ALDH18A1: variants seen among roughly 807,000 people sequenced by gnomAD.
The protein encoded by ALDH18A1 is aldehyde dehydrogenase 18 family member A1, also known as delta-1-pyrroline-5-carboxylate synthase.
In ALDH18A1, 44 loss-of-function variants were observed where a neutral mutation model predicts 88.8. The observed-to-expected ratio is 0.50, with a 90% CI of 0.39 to 0.64. The LOEUF is 0.64. Among genes scored for constraint, ALDH18A1 ranks in the 30% least tolerant of loss-of-function variants. ALDH18A1 has a pLI of 0.00. For synonymous variants in ALDH18A1, 331 were observed against 372.1 expected, an observed-to-expected ratio of 0.89 and a Z score of 1.27; for missense variants, 782 against 1,009.5, an observed-to-expected ratio of 0.77 and a Z score of 3.05.
chr10:95,623,165 TAAAA>T (rs552778394), intron 11 of ALDH18A1, among the ~76,000 whole-genome samples: 2 of 151,234 alleles, frequency 1.3e-5, no homozygotes, highest in African/African-American at 2.4e-5. Flanking sequence ...CCCCATATGC[TAAAA>T]AAAAAGTTTT....
In ALDH18A1 at chr10:95,638,008, A is replaced by C. The variant is rs549646244; in HGVS notation, c.304-572T>G. On this transcript the variant is annotated intron_variant, in intron 3 of 17. Coordinates refer to ENST00000371224, the MANE Select transcript of ALDH18A1 (RefSeq NM_002860.4). ...AACAACAACAACAACAACAACAACA[A>C]CACCCTAAGAAAAAAATTTTTTTAA... Among the ~76,000 whole-genome samples the C allele has an allele frequency of 6.2e-5, 8 of 129,128 alleles. No homozygotes were observed. The South Asian group carries it at 1.0e-3, about 16-fold the overall frequency. The allele number at this position is 129,128 out of a possible 152,430, so 84.7% of individuals were successfully genotyped here.
rs559043968 is a variant in ALDH18A1, at chr10:95,643,436, T to C, written c.89-230A>G. On this transcript the variant is annotated intron_variant, in intron 2 of 17. Transcript: ENST00000371224. Reference sequence around the variant, plus strand: ...AGGTCATAGGCACACTCAAATGCTGTTGGTGAAGAGTACAAACAAATTAAT... The same window carrying C: ...AGGTCATAGGCACACTCAAATGCTGCTGGTGAAGAGTACAAACAAATTAAT... Among the ~76,000 whole-genome samples the C allele has an allele frequency of 6.6e-5, 10 of 152,320 alleles. No individual in the cohort carries two copies. The South Asian group carries it at 2.1e-3, about 32-fold the overall frequency.
chr10:95,617,274 G>A (rs1589494003), intron 12 of ALDH18A1, among the ~76,000 whole-genome samples: 1 of 152,230 alleles, frequency 6.6e-6, no homozygotes, highest in Admixed American at 6.5e-5. Flanking sequence ...AAAGAGAACT[G>A]AGTTAAGTGG....
chr10:95,633,072 A>G lies in ALDH18A1; in HGVS notation c.718-23T>C, dbSNP rs375327685. On this transcript the variant is annotated intron_variant, in intron 6 of 17. Transcript: ENST00000371224. Reference sequence around the variant, plus strand: ...AACCTAGAATGCAGATTAAAAAGTCATAAGTGAGTGAGCTAAGCAGTCCAA... The same window carrying G: ...AACCTAGAATGCAGATTAAAAAGTCGTAAGTGAGTGAGCTAAGCAGTCCAA... 662 of 1,589,822 alleles carry G rather than the reference A, an allele frequency of 4.2e-4. 1 individual carries two copies. Among genetic ancestry groups the G allele is most frequent in the Middle Eastern group, 2.2e-3 (13 of 6,018 alleles).
intron 16 of ALDH18A1, 117 bp from the exon 17 acceptor site, chr10:95,610,409 A>G: frequency 1.2e-6 from 1 of 857,182 alleles, no homozygotes; most frequent in Non-Finnish European, 1.9e-6. Flanking sequence ...GGGCCTCTCC[A>G]TGTGTTCTCA....
chr10:95,633,755 G>T, intron 5 of ALDH18A1, 106 bp from the exon 6 acceptor site: 1 of 1,144,466 alleles, frequency 8.7e-7, no homozygotes, highest in Non-Finnish European at 1.3e-6. Flanking sequence ...GGTTTCTGGG[G>T]CCCCACACAG....
At chr10:95,642,841 C>A (rs2097894357) in intron 3 of ALDH18A1, 151 bp downstream of exon 3, 1 of 845,206 alleles carries the variant, frequency 1.2e-6, no homozygotes, top group East Asian at 2.6e-5. Flanking sequence ...TCACTGGCGT[C>A]TACAGTGGGA....
Position 95,610,255 on chromosome 10 carries a change from A to G in ALDH18A1, c.2148T>C (p.Ser716=). The part of the protein sequence containing the change: ...TAEFFLQHVD[S]ACVFWNASTR... ...TGCTGGCATTCCAGAACACACAGGCACTGTCTACGTGCTGCAGGAAGAACT... is the reference window on the plus strand; with the variant it reads ...TGCTGGCATTCCAGAACACACAGGCGCTGTCTACGTGCTGCAGGAAGAACT... Residue 716 remains serine, a synonymous_variant, in exon 17 of 18, where the codon AGT becomes AGC. Transcript: ENST00000371224. 1.9e-6 allele frequency: 3 copies of G among 1,614,142 alleles called. No individual in the cohort carries two copies. The highest frequency in any genetic ancestry group is 2.5e-6 in the Non-Finnish European group (3 of 1,179,982).
intron 17 of ALDH18A1, 83 bp from the exon 18 acceptor site, chr10:95,607,026 C>A: frequency 7.1e-7 from 1 of 1,399,044 alleles, no homozygotes; most frequent in South Asian, 1.2e-5. Flanking sequence ...TGCTGCTTTC[C>A]CCTCACTTGG....
At chr10:95,611,473 A>G in intron 15 of ALDH18A1, 31 bp from the exon 16 acceptor site, 1 of 1,611,096 alleles carries the variant, frequency 6.2e-7, no homozygotes, top group Non-Finnish European at 8.5e-7. Flanking sequence ...GGGCAACAAC[A>G]TAAAAACAAC....
intron 16 of ALDH18A1, 118 bp from the exon 17 acceptor site, chr10:95,610,410 T>A: frequency 1.2e-6 from 1 of 858,818 alleles, no homozygotes; most frequent in South Asian, 1.4e-5. Context: ...GGCCTCTCCA[T>A]GTGTTCTCAC....
chr10:95,649,260 A>G (rs2097906144), intron 2 of ALDH18A1, among the ~76,000 whole-genome samples: 1 of 152,098 alleles, frequency 6.6e-6, no homozygotes, highest in Non-Finnish European at 1.5e-5. Context: ...TCACACCTGT[A>G]ATTCCTGCAG....
At chr10:95,638,433 G>A (rs1458588104) in intron 3 of ALDH18A1, among the ~76,000 whole-genome samples, 1 of 152,218 alleles carries the variant, frequency 6.6e-6, no homozygotes. Flanking sequence ...ACCATTGACA[G>A]TAATGGCAAA....
At chr10:95,633,809 A>G (rs941948599) in intron 5 of ALDH18A1, among the ~76,000 whole-genome samples, 160 bp from the exon 6 acceptor site, 13 of 121,148 alleles carry the variant, frequency 1.1e-4, no homozygotes, top group South Asian at 2.7e-4. Context: ...GTGCTATCCA[A>G]TTCTTTTTTT....
chr10:95,618,741 G>T (rs2097847778), intron 12 of ALDH18A1, among the ~76,000 whole-genome samples: 1 of 152,214 alleles, frequency 6.6e-6, no homozygotes, highest in South Asian at 2.1e-4. Flanking sequence ...AGTTATTCAT[G>T]AATGACAGCA....
chr10:95,649,796 G>A (rs1027735552), intron 2 of ALDH18A1, among the ~76,000 whole-genome samples: 8 of 151,930 alleles, frequency 5.3e-5, no homozygotes, highest in Non-Finnish European at 8.8e-5. Context: ...CAGGAGAATC[G>A]CTTGAGCCTG....
intron 2 of ALDH18A1, among the ~76,000 whole-genome samples, chr10:95,648,320 TTCATCA>T (rs56238714): frequency 0.12 from 17,664 of 150,722 alleles, 1,370 homozygotes; most frequent in African/African-American, 0.21. Flanking sequence ...ATATTCTACC[TTCATCA>T]TCATCATCAT....
rs372229567 is a variant in ALDH18A1, at chr10:95,633,066, A to G, written c.718-17T>C. The G allele has an allele frequency of 4.4e-6, 7 of 1,606,626 alleles. No homozygotes were observed. The African/African-American group carries it at 9.4e-5, about 21-fold the overall frequency. ...ACTAATAACCTAGAATGCAGATTAA[A>G]AAGTCATAAGTGAGTGAGCTAAGCA... On this transcript the variant is annotated splice_polypyrimidine_tract_variant and intron_variant, in intron 6 of 17. Coordinates refer to ENST00000371224, the MANE Select transcript of ALDH18A1 (RefSeq NM_002860.4).
In ALDH18A1 at chr10:95,606,316, T is replaced by A. The variant is rs1407713288; in HGVS notation, c.*446A>T. 2 of 1,001,804 alleles carry A rather than the reference T, an allele frequency of 2.0e-6. No homozygotes were observed. Among genetic ancestry groups the A allele is most frequent in the Non-Finnish European group, 2.4e-6 (2 of 839,172 alleles). 62.1% of individuals were successfully genotyped at this position (1,001,804 alleles called of 1,614,324 possible). A position where few individuals can be genotyped will look rare whatever the true frequency, so the allele number is the denominator to read the frequency against. On this transcript the variant is annotated 3_prime_UTR_variant, in exon 18 of 18. Transcript: ENST00000371224. Reference sequence around the variant, plus strand: ...CTAAAAAGAAGAGTTGCCCCTTTTCTAAAATTCCAAATCTTTCCTTTTTGA... The same window carrying A: ...CTAAAAAGAAGAGTTGCCCCTTTTCAAAAATTCCAAATCTTTCCTTTTTGA...
Sources: gnomAD v4.1 joint callset for allele counts (sites outside exome capture counted in the v4.1 genomes callset) on GRCh38, gnomAD v4.1.1 for gene constraint, MANE v1.5 for transcripts, NCBI Gene and HGNC (gene_info 2026-07-23, HGNC 2026-07-21) for gene names.